PRKAG2: variants seen among roughly 807,000 people sequenced by gnomAD.
The protein encoded by PRKAG2 is 5'-AMP-activated protein kinase subunit gamma-2.
A neutral mutation model predicts 69.6 loss-of-function variants in PRKAG2; 26 were observed. The observed-to-expected ratio is 0.37, with a 90% CI of 0.27 to 0.52. The LOEUF (loss-of-function observed/expected upper bound fraction) is 0.52, where lower values mean the gene tolerates loss of function less well. Ranked by LOEUF, PRKAG2 falls within the 20% of genes least tolerant of loss-of-function variation. PRKAG2 has a pLI of 0.90. For synonymous variants in PRKAG2, 293 were observed against 285.0 expected (o/e 1.03, Z -0.28); for missense variants, 557 against 740.0 (o/e 0.75, Z 2.87).
intron 3 of PRKAG2, among the ~76,000 whole-genome samples, chr7:151,773,141 GAAGA>G (rs1180385062): frequency 7.1e-6 from 1 of 140,634 alleles, no homozygotes; most frequent in Non-Finnish European, 1.5e-5. Flanking sequence ...GGAAAGAAGG[GAAGA>G]AAGGAAGGAA....
intron 7 of PRKAG2, among the ~76,000 whole-genome samples, chr7:151,575,672 T>A (rs1808718802): frequency 6.6e-6 from 1 of 152,144 alleles, no homozygotes; most frequent in African/African-American, 2.4e-5. Flanking sequence ...ACTAGCGAGA[T>A]GAGTGCGGGG....
chr7:151,566,690 C>G, intron 11 of PRKAG2: 1 of 382,490 alleles, frequency 2.6e-6, no homozygotes, highest in Non-Finnish European at 5.1e-6. Context: ...ATATTCAAAT[C>G]ATGAGACTCC....
intron 3 of PRKAG2, among the ~76,000 whole-genome samples, chr7:151,767,405 C>T (rs2075791820): frequency 6.6e-6 from 1 of 152,242 alleles, no homozygotes; most frequent in Admixed American, 6.5e-5. Flanking sequence ...ATTCTCCTGC[C>T]TCAGCCTCCC....
chr7:151,617,282 A>AG (rs1820390687), intron 5 of PRKAG2, among the ~76,000 whole-genome samples: 2 of 7,148 alleles, frequency 2.8e-4, no homozygotes, highest in African/African-American at 5.9e-4. Flanking sequence ...GAGGGAGGGA[A>AG]AGAGGGAGGG....
chr7:151,871,978 G>GTTA (rs1244219504), intron 1 of PRKAG2, among the ~76,000 whole-genome samples: 1 of 152,202 alleles, frequency 6.6e-6, no homozygotes, highest in Admixed American at 6.5e-5. Context: ...TCTTTCAAGA[G>GTTA]TTATTACTCC....
intron 15 of PRKAG2, chr7:151,559,881 A>G (rs1483243320): frequency 2.0e-6 from 2 of 985,046 alleles, no homozygotes; most frequent in African/African-American, 3.5e-5. Flanking sequence ...CAGTTTTAAG[A>G]ACTCTCAAGC....
chr7:151,856,803 G>A (rs2079790448), intron 1 of PRKAG2, among the ~76,000 whole-genome samples: 1 of 152,144 alleles, frequency 6.6e-6, no homozygotes, highest in African/African-American at 2.4e-5. Flanking sequence ...AAGAGAACTG[G>A]ATCGCAAGGC....
chr7:151,728,445 G>A (rs1798363000), intron 3 of PRKAG2, among the ~76,000 whole-genome samples: 1 of 152,134 alleles, frequency 6.6e-6, no homozygotes, highest in African/African-American at 2.4e-5. Context: ...TGTCTCACAG[G>A]ATGGGGGTGA....
chr7:151,686,807 G>A (rs1405879197), intron 3 of PRKAG2, among the ~76,000 whole-genome samples: 1 of 152,150 alleles, frequency 6.6e-6, no homozygotes, highest in East Asian at 1.9e-4. Context: ...GCAGATTTCG[G>A]TTCTAGGCTC....
intron 15 of PRKAG2, chr7:151,558,692 A>G: frequency 1.0e-6 from 1 of 985,104 alleles, no homozygotes; most frequent in Non-Finnish European, 1.2e-6. Flanking sequence ...CTGTATCATA[A>G]GGAATTCCAA....
In PRKAG2 at chr7:151,803,799, A is replaced by C. The variant is rs185827233; in HGVS notation, c.115-17258T>G. On this transcript the variant is annotated intron_variant, in intron 1 of 15. Coordinates refer to ENST00000287878, the MANE Select transcript of PRKAG2 (RefSeq NM_016203.4). ...CTAAATATACAAAAATTAGCTGGGC[A>C]TGGTGGTGGGCGCCTATAGTCCCAG... 3.1e-3 allele frequency among the ~76,000 whole-genome samples: 473 copies of C among 151,726 alleles called. 10 individuals carry two copies. Among genetic ancestry groups the C allele is most frequent in the African/African-American group, 0.011 (455 of 41,362 alleles).
At position 151,608,792 on chromosome 7, in the gene PRKAG2, A is replaced by T. The variant is rs999176191; in HGVS notation, c.755-13338T>A. Among the ~76,000 whole-genome samples the T allele has an allele frequency of 2.6e-5, 4 of 151,892 alleles. 1 individual carries two copies. Among genetic ancestry groups the T allele is most frequent in the Middle Eastern group, 6.8e-3 (2 of 294 alleles). On this transcript the variant is annotated intron_variant, in intron 5 of 15. Transcript: ENST00000287878. ...TTTATAAGATTAAAGGATTACCTTT[A>T]TATTCCTTTATAAGATTAAAGGATT...
At chr7:151,581,178 A>C (rs776712894) in intron 6 of PRKAG2, among the ~76,000 whole-genome samples, 7 of 152,256 alleles carry the variant, frequency 4.6e-5, no homozygotes, top group African/African-American at 9.6e-5. Flanking sequence ...AGAAGGAATA[A>C]AAGAACAAAT....
rs548206234 is a variant in PRKAG2 at position 151,751,934 on chromosome 7, A to C, written c.466+29218T>G. On this transcript the variant is annotated intron_variant, in intron 3 of 15. Transcript: ENST00000287878. ...AACACTATTTGCCACTAAAAGTGAC[A>C]AGGGCTCTTTAGAGCAATGGCTAAT... 2.6e-5 allele frequency among the ~76,000 whole-genome samples: 4 copies of C among 152,348 alleles called. No individual in the cohort carries two copies. The East Asian group carries it at 7.7e-4, about 29-fold the overall frequency.
At position 151,766,698 on chromosome 7, in the gene PRKAG2, G is replaced by A. The variant is rs565284825; in HGVS notation, c.466+14454C>T. 9.8e-5 allele frequency among the ~76,000 whole-genome samples: 15 copies of A among 152,316 alleles called. No individual in the cohort carries two copies. The South Asian group carries it at 2.3e-3, about 23-fold the overall frequency. ...CCTGAAGACAGTGGGGTCTGCTACTGTGTGGGAGGCTCCCTCTCATTTATC... is the reference window on the plus strand; with the variant it reads ...CCTGAAGACAGTGGGGTCTGCTACTATGTGGGAGGCTCCCTCTCATTTATC... On this transcript the variant is annotated intron_variant, in intron 3 of 15. Coordinates refer to ENST00000287878, the MANE Select transcript of PRKAG2 (RefSeq NM_016203.4).
chr7:151,683,913 C>A (rs2151502801), intron 3 of PRKAG2, among the ~76,000 whole-genome samples: 2 of 152,320 alleles, frequency 1.3e-5, no homozygotes, highest in East Asian at 3.9e-4. Context: ...ACTCTGTTTT[C>A]TCAAGGAGCA....
intron 6 of PRKAG2, among the ~76,000 whole-genome samples, chr7:151,577,752 T>A (rs1048460011): frequency 6.6e-6 from 1 of 151,968 alleles, no homozygotes; most frequent in African/African-American, 2.4e-5. Flanking sequence ...AATACTAGCA[T>A]ACCAATGAGA....
rs191977854 is a variant in PRKAG2 at position 151,669,300 on chromosome 7, C to T, written c.684+6120G>A. ...CACTTCTTTATCCCTTAATCATCAA[C>T]TCACATTACATGGCTTCTGCTGTCG... On this transcript the variant is annotated intron_variant, in intron 4 of 15. Coordinates refer to ENST00000287878, the MANE Select transcript of PRKAG2 (RefSeq NM_016203.4). Among the ~76,000 whole-genome samples, 596 of 152,344 alleles carry T rather than the reference C, an allele frequency of 3.9e-3. 4 individuals are homozygous for T. The highest frequency in any genetic ancestry group is 0.013 in the African/African-American group (549 of 41,576).
chr7:151,757,875 T>C (rs2075189805), intron 3 of PRKAG2, among the ~76,000 whole-genome samples: 1 of 152,210 alleles, frequency 6.6e-6, no homozygotes, highest in South Asian at 2.1e-4. Context: ...GTAAAAGGGC[T>C]TTTGTTGATG....
Sources: gnomAD v4.1 joint callset for allele counts (sites outside exome capture counted in the v4.1 genomes callset) on GRCh38, gnomAD v4.1.1 for gene constraint, MANE v1.5 for transcripts, NCBI Gene and HGNC (gene_info 2026-07-23, HGNC 2026-07-21) for gene names.